The following MMP17 variants were observed in gnomAD, a reference collection of about 807,000 sequenced individuals.
MMP17 encodes matrix metallopeptidase 17, also known as matrix metalloproteinase-17.
Under a neutral mutation model 49.1 loss-of-function variants are expected in MMP17, and 54 were observed. The observed-to-expected ratio is 1.10, with a 90% CI of 0.88 to 1.38. The LOEUF (loss-of-function observed/expected upper bound fraction) is 1.38. Among genes scored for constraint, MMP17 ranks in the 40% most tolerant of loss-of-function variants. The pLI is 0.00. For missense variants in MMP17, 837 were observed against 853.7 expected (o/e 0.98, Z 0.24); for synonymous variants, 397 against 383.1 (o/e 1.04, Z -0.42).
rs1346538107 is a variant in MMP17, at chr12:131,837,877, A to AT, written c.160-312dup. Reference sequence around the variant, plus strand: ...AGGCACCTGCCACCACACCCGGCTAATTTTTTGTATTTTTAGTAGAGACGG... The same window carrying AT: ...AGGCACCTGCCACCACACCCGGCTAATTTTTTTGTATTTTTAGTAGAGACGG... On this transcript the variant is annotated intron_variant, in intron 1 of 9. Transcript: ENST00000360564. 3.3e-5 allele frequency among the ~76,000 whole-genome samples: 5 copies of AT among 152,038 alleles called. No homozygotes were observed. The South Asian group carries it at 8.3e-4, about 25-fold the overall frequency.
chr12:131,844,468 T>C, intron 6 of MMP17: 1 of 282,658 alleles, frequency 3.5e-6, no homozygotes, highest in Non-Finnish European at 6.7e-6. Flanking sequence ...GGCCCACATC[T>C]GGTGCCAGGG....
intron 6 of MMP17, 119 bp from the exon 7 acceptor site, chr12:131,844,999 A>T: frequency 1.0e-6 from 1 of 998,576 alleles, no homozygotes; most frequent in Non-Finnish European, 1.5e-6. Flanking sequence ...AGGCAAGGAT[A>T]GGGGCTCCAC....
At chr12:131,832,360 G>A (rs1444321717) in intron 1 of MMP17, among the ~76,000 whole-genome samples, 1 of 118,570 alleles carries the variant, frequency 8.4e-6, no homozygotes, top group African/African-American at 3.2e-5. Flanking sequence ...TGGGAAGGGG[G>A]AAGGCTGGAG....
chr12:131,841,861 A>AC (rs1887434062), intron 5 of MMP17, 61 bp downstream of exon 5: 1 of 1,482,466 alleles, frequency 6.7e-7, no homozygotes, highest in African/African-American at 1.4e-5. Context: ...AACCCCAGGC[A>AC]CCCCTGAGCA....
In MMP17 at chr12:131,846,594, C is replaced by T. The variant is rs760510448; in HGVS notation, c.1204+1145C>T. ...TTCACCACGTTGGCCAGGCTGGTCTCGAACTCCTGACTTCAGGTGATCCAC... is the reference window on the plus strand; with the variant it reads ...TTCACCACGTTGGCCAGGCTGGTCTTGAACTCCTGACTTCAGGTGATCCAC... On this transcript the variant is annotated intron_variant, in intron 8 of 9. Transcript: ENST00000360564. The surrounding 1 kb of genome is among the most constrained non-coding windows in gnomAD (Gnocchi z 4.6). Among the ~76,000 whole-genome samples, 51 of 152,062 alleles carry T rather than the reference C, an allele frequency of 3.4e-4. No individual in the cohort carries two copies. The highest frequency in any genetic ancestry group is 4.3e-4 in the Non-Finnish European group (29 of 68,024).
chr12:131,829,287 G>C (rs1386930748), intron 1 of MMP17, among the ~76,000 whole-genome samples: 1 of 152,200 alleles, frequency 6.6e-6, no homozygotes, highest in Non-Finnish European at 1.5e-5. Flanking sequence ...CGGGGGCGCG[G>C]GGAGAGCCTT....
intron 6 of MMP17, chr12:131,844,714 C>CG: frequency 3.9e-6 from 1 of 256,344 alleles, no homozygotes; most frequent in Non-Finnish European, 7.7e-6. Context: ...TGCACCTTGT[C>CG]CCTGACCTTC....
rs1719832265 is a variant in MMP17, at chr12:131,838,673, G to C, written c.354G>C (p.Leu118=). The stretch of plus-strand genomic sequence containing the variant: ...GCTCCCTGCCAGACCTCCCTGTCCT[G>C]ACCCAGGCTCGCAGGAGACGCCAGG... The part of the protein sequence containing the change: ...PRCSLPDLPV[L]TQARRRRQAP... Residue 118 remains leucine (L), a synonymous_variant, in exon 3 of 10, where the codon CTG becomes CTC. Transcript: ENST00000360564. The C allele has an allele frequency of 1.2e-6, 2 of 1,610,466 alleles. No individual in the cohort carries two copies. The highest frequency in any genetic ancestry group is 2.7e-5 in the African/African-American group (2 of 74,832).
intron 8 of MMP17, among the ~76,000 whole-genome samples, chr12:131,847,876 T>G (rs1365387413): frequency 6.6e-6 from 1 of 151,950 alleles, no homozygotes; most frequent in Non-Finnish European, 1.5e-5. Context: ...TCACCCCTGC[T>G]CCCCCTCTGT....
rs116928219 is a variant in MMP17 at position 131,851,140 on chromosome 12, G to A, written c.1678G>A (p.Val560Ile). ...GAGCCGCTCGGAGGACGGTTACGAG[G>A]TCTGCTCATGCACCTCTGGGGCATC... ...DQSRSEDGYE[V>I]CSCTSGASSP... The change falls in exon 10 of 10, where the codon GTC becomes ATC. Residue 560 changes from valine to isoleucine, a missense_variant. Val to Ile is a conservative substitution (Grantham distance 29, BLOSUM62 3). Transcript: ENST00000360564. 7,536 of 1,571,540 alleles carry A rather than the reference G, an allele frequency of 4.8e-3. 22 individuals are homozygous for A. Among genetic ancestry groups the A allele is most frequent in the Non-Finnish European group, 5.7e-3 (6,590 of 1,158,900 alleles).
intron 5 of MMP17, among the ~76,000 whole-genome samples, chr12:131,842,999 T>A (rs1161331172): frequency 6.6e-6 from 1 of 152,138 alleles, no homozygotes; most frequent in Admixed American, 6.5e-5. Context: ...CTTTTGTGTC[T>A]GGCTCTTTTT....
chr12:131,849,808 G>A lies in MMP17; in HGVS notation c.1211G>A (p.Arg404Lys), dbSNP rs200132158. 14 of 1,612,720 alleles carry A rather than the reference G, an allele frequency of 8.7e-6. No individual in the cohort carries two copies. The highest frequency in any genetic ancestry group is 1.1e-5 in the Non-Finnish European group (13 of 1,179,326). The change falls in exon 9 of 10, where the codon AGG becomes AAG. Residue 404 changes from arginine (R) to lysine (K), a missense_variant. By Grantham distance (26) the Arg-to-Lys change is conservative. Transcript: ENST00000360564. ...DHKIVFFKGD[R>K]YWVFKDNNVE... ...CTGTTTCTCTCGCCCCCAGGAGACA[G>A]GTACTGGGTGTTCAAGGACAATAAC...
chr12:131,837,793 C>T (rs1887155015), intron 1 of MMP17, among the ~76,000 whole-genome samples: 1 of 152,220 alleles, frequency 6.6e-6, no homozygotes, highest in Non-Finnish European at 1.5e-5. Context: ...TCACTGCAAG[C>T]TCCGCCTCCT....
chr12:131,829,610 C>T (rs1399472427), intron 1 of MMP17, among the ~76,000 whole-genome samples: 1 of 152,226 alleles, frequency 6.6e-6, no homozygotes, highest in Non-Finnish European at 1.5e-5. Context: ...GCCTGGCCCT[C>T]GTCCGCGGAC....
chr12:131,830,649 A>T (rs1669757309), intron 1 of MMP17, among the ~76,000 whole-genome samples: 1 of 152,172 alleles, frequency 6.6e-6, no homozygotes, highest in African/African-American at 2.4e-5. Flanking sequence ...GCGCTCCCGG[A>T]GTGGACTGAT....
In MMP17 at chr12:131,838,059, A is replaced by G. The variant is rs985889191; in HGVS notation, c.160-136A>G. ...CTTTTCCGGCAGCTGCCCAGGGAAG[A>G]GACAAGAGGTGCCTTGTGGGCAGAT... On this transcript the variant is annotated intron_variant, in intron 1 of 9. Transcript: ENST00000360564. 5.4e-6 allele frequency: 6 copies of G among 1,121,328 alleles called. No individual in the cohort carries two copies. In the African/African-American group the frequency reaches 6.3e-5, roughly 12 times the overall value. The allele number at this position is 1,121,328 out of a possible 1,614,324, so 69.5% of individuals were successfully genotyped here.
chr12:131,840,973 C>T (rs1206661962), intron 4 of MMP17, 117 bp downstream of exon 4: 1 of 1,245,942 alleles, frequency 8.0e-7, no homozygotes, highest in Non-Finnish European at 1.1e-6. Context: ...GCGGCTGCTC[C>T]TGAGCACGGC....
Position 131,845,211 on chromosome 12 carries a change from G to A in MMP17, c.1051+11G>A, listed in dbSNP as rs1287044278. ...CTTTCTTCTTCAAAGGTACCTCCAG[G>A]GTTCCCGTGGCGGTTGGCTGAGGGC... On this transcript the variant is annotated intron_variant, in intron 7 of 9. Coordinates refer to ENST00000360564, the MANE Select transcript of MMP17 (RefSeq NM_016155.7). 3.7e-6 allele frequency: 6 copies of A among 1,614,092 alleles called. No homozygotes were observed. Among genetic ancestry groups the A allele is most frequent in the Non-Finnish European group, 5.1e-6 (6 of 1,179,956 alleles).
chr12:131,838,588 C>T (rs1016018635), intron 2 of MMP17, 24 bp from the exon 3 acceptor site: 7 of 1,603,778 alleles, frequency 4.4e-6, no homozygotes, highest in Non-Finnish European at 6.0e-6. Flanking sequence ...GGGCTAGGCT[C>T]TGAGCTCCAT....
Sources: allele counts gnomAD v4.1 joint callset (sites outside exome capture counted in the v4.1 genomes callset), GRCh38; gene constraint gnomAD v4.1.1; non-coding constraint Gnocchi (gnomAD v3.1); transcripts MANE v1.5; gene names NCBI Gene and HGNC (gene_info 2026-07-23, HGNC 2026-07-21).